Variants in NYAP2 observed in about 807,000 individuals in gnomAD.
NYAP2 encodes the protein neuronal tyrosine-phosphorylated phosphoinositide-3-kinase adaptor 2.
Under a neutral mutation model 50.4 loss-of-function variants are expected in NYAP2, and 23 were observed. The observed-to-expected ratio is 0.46, with a 90% CI of 0.33 to 0.65. The LOEUF (loss-of-function observed/expected upper bound fraction) is 0.65. NYAP2 is among the 30% of genes least tolerant of loss of function. The pLI, the probability that NYAP2 is intolerant of heterozygous loss-of-function variation, is 0.02. For missense variants in NYAP2, 885 were observed against 861.0 expected, an observed-to-expected ratio of 1.03 and a Z score of -0.35; for synonymous variants, 394 against 365.2, an observed-to-expected ratio of 1.08 and a Z score of -0.90.
intron 4 of NYAP2, among the ~76,000 whole-genome samples, chr2:225,556,662 C>T (rs141483849): frequency 1.6e-3 from 242 of 152,228 alleles, no homozygotes; most frequent in African/African-American, 5.6e-3. Flanking sequence ...CAAATGGCTC[C>T]CCCTGGGTGC....
At chr2:225,566,568 T>C (rs921476387) in intron 4 of NYAP2, among the ~76,000 whole-genome samples, 5 of 152,248 alleles carry the variant, frequency 3.3e-5, no homozygotes, top group African/African-American at 1.2e-4. Context: ...ATTGGGTGCT[T>C]AGCATCATGC....
At chr2:225,562,429 G>A (rs749359048) in intron 4 of NYAP2, among the ~76,000 whole-genome samples, 4 of 152,046 alleles carry the variant, frequency 2.6e-5, no homozygotes, top group African/African-American at 4.8e-5. Context: ...GCTTGCTGGG[G>A]TATGCCCTTG....
chr2:225,485,928 T>C (rs1347372639), intron 3 of NYAP2, among the ~76,000 whole-genome samples: 1 of 152,198 alleles, frequency 6.6e-6, no homozygotes, highest in Admixed American at 6.5e-5. Flanking sequence ...AATCATTAGA[T>C]GCTAGTAGCC....
At chr2:225,427,061 G>T (rs1389346436) in intron 3 of NYAP2, among the ~76,000 whole-genome samples, 1 of 152,138 alleles carries the variant, frequency 6.6e-6, no homozygotes, top group Non-Finnish European at 1.5e-5. Flanking sequence ...AATCAGTTGG[G>T]CAATCAAACC....
At chr2:225,612,779 C>A in intron 5 of NYAP2, among the ~76,000 whole-genome samples, 1 of 41,694 alleles carries the variant, frequency 2.4e-5, no homozygotes. Context: ...TAATTATCTA[C>A]CAGAAGCCCC....
At chr2:225,699,826 CA>C in the NYAP2 span, 1 of 151,670 alleles carries the variant, frequency 6.6e-6, no homozygotes, top group Admixed American at 6.6e-5. Context: ...TTAAAAAAAT[CA>C]TATATATCTT....
At chr2:225,567,036 T>A (rs1174821497) in intron 4 of NYAP2, among the ~76,000 whole-genome samples, 1 of 151,980 alleles carries the variant, frequency 6.6e-6, no homozygotes, top group Non-Finnish European at 1.5e-5. Context: ...CATGATAGAG[T>A]GTACTTACCC....
intron 3 of NYAP2, among the ~76,000 whole-genome samples, chr2:225,491,121 A>T (rs1378183811): frequency 6.6e-6 from 1 of 152,216 alleles, no homozygotes; most frequent in Non-Finnish European, 1.5e-5. Flanking sequence ...TTGACACAGG[A>T]CTGTAAAAAG....
intron 4 of NYAP2, among the ~76,000 whole-genome samples, chr2:225,548,802 C>T (rs980495231): frequency 1.3e-5 from 2 of 152,064 alleles, no homozygotes; most frequent in Non-Finnish European, 2.9e-5. Context: ...TTTGAGCCAA[C>T]TTGTTTGGTT....
intron 3 of NYAP2, among the ~76,000 whole-genome samples, chr2:225,513,069 G>A (rs1481906995): frequency 6.6e-6 from 1 of 152,108 alleles, no homozygotes; most frequent in Non-Finnish European, 1.5e-5. Context: ...AAATGAATCT[G>A]AGTCATAGTC....
intron 3 of NYAP2, among the ~76,000 whole-genome samples, chr2:225,487,463 G>A (rs1015781988): frequency 9.9e-5 from 15 of 151,852 alleles, no homozygotes; most frequent in Admixed American, 9.8e-4. Flanking sequence ...GGGTTTAAGC[G>A]ATTCTCCTGC....
chr2:225,587,687 GCTCCTTTCA>G (rs974311404), intron 5 of NYAP2, among the ~76,000 whole-genome samples: 1 of 152,084 alleles, frequency 6.6e-6, no homozygotes, highest in Non-Finnish European at 1.5e-5. Context: ...TCATCAGGTT[GCTCCTTTCA>G]GAAAGAGACA....
At chr2:225,636,234 G>A (rs1268904169) in intron 6 of NYAP2, among the ~76,000 whole-genome samples, 1 of 152,336 alleles carries the variant, frequency 6.6e-6, no homozygotes, top group East Asian at 1.9e-4. Context: ...AGCATGATGA[G>A]TAGGAGCCAG....
the NYAP2 span, chr2:225,702,120 G>A: frequency 2.0e-5 from 3 of 151,670 alleles, no homozygotes; most frequent in Admixed American, 6.6e-5. Context: ...TAAGTTATCC[G>A]AGATGAGAGG....
chr2:225,586,383 G>A (rs961730924), intron 5 of NYAP2, among the ~76,000 whole-genome samples: 1 of 152,106 alleles, frequency 6.6e-6, no homozygotes, highest in East Asian at 1.9e-4. Context: ...TTTCCTGGTT[G>A]ATGGGACATT....
At chr2:225,568,528 C>T (rs767705788) in intron 4 of NYAP2, among the ~76,000 whole-genome samples, 7 of 152,070 alleles carry the variant, frequency 4.6e-5, no homozygotes, top group East Asian at 1.9e-4. Flanking sequence ...TTCTGAATGC[C>T]GATTCTAATA....
chr2:225,540,017 C>T (rs1691429667), intron 4 of NYAP2, among the ~76,000 whole-genome samples: 5 of 152,218 alleles, frequency 3.3e-5, no homozygotes, highest in Admixed American at 3.3e-4. Flanking sequence ...TAAAACATAA[C>T]AAGCATCACT....
intron 6 of NYAP2, among the ~76,000 whole-genome samples, chr2:225,628,558 G>T (rs1559234629): frequency 6.6e-6 from 1 of 151,900 alleles, no homozygotes; most frequent in Non-Finnish European, 1.5e-5. Context: ...CCTGACCTCA[G>T]GTGATACACT....
intron 5 of NYAP2, among the ~76,000 whole-genome samples, chr2:225,608,838 G>C (rs1189351400): frequency 6.6e-6 from 1 of 152,044 alleles, no homozygotes; most frequent in African/African-American, 2.4e-5. Context: ...AGGGAAGGGA[G>C]GATGGTAGCA....
Sources: gnomAD v4.1 joint callset for allele counts (sites outside exome capture counted in the v4.1 genomes callset) on GRCh38, gnomAD v4.1.1 for gene constraint, MANE v1.5 for transcripts, NCBI Gene and HGNC (gene_info 2026-07-23, HGNC 2026-07-21) for gene names.